The following RCOR1 variants were observed in gnomAD, a reference collection of about 807,000 sequenced individuals.
RCOR1 encodes REST corepressor 1.
RCOR1 carries 12 observed loss-of-function variants against 64.0 expected under a neutral mutation model. That is an observed-to-expected ratio of 0.19 (90% confidence interval 0.12 to 0.30). RCOR1 has a LOEUF of 0.30. RCOR1 is among the 10% of genes least tolerant of loss of function. The pLI is 1.00. For synonymous variants in RCOR1, 279 were observed against 227.2 expected (o/e 1.23, Z -2.05); for missense variants, 502 against 621.2 (o/e 0.81, Z 2.04).
chr14:102,712,719 T>G (rs11621125), intron 7 of RCOR1, among the ~76,000 whole-genome samples: 1 of 151,612 alleles, frequency 6.6e-6, no homozygotes, highest in Admixed American at 6.6e-5. Context: ...CGTTTTTTTC[T>G]GCATAATTTA....
Position 102,681,942 on chromosome 14 carries a change from G to A in RCOR1, c.409G>A (p.Val137Ile). 6.2e-7 allele frequency: 1 copy of A among 1,613,948 alleles called. No individual in the cohort carries two copies. Among genetic ancestry groups the A allele is most frequent in the African/African-American group, 1.3e-5 (1 of 75,042 alleles). The change falls in exon 3 of 12, where the codon GTC becomes ATC. Residue 137 changes from valine to isoleucine, a missense_variant. Val to Ile is a conservative substitution (Grantham distance 29). Transcript: ENST00000262241. Reference sequence around the variant, plus strand: ...AGAACGGGACAATCTTGGCATGTTGGTCTGGTCACCCAATCAAAATCTGTC... The same window carrying A: ...AGAACGGGACAATCTTGGCATGTTGATCTGGTCACCCAATCAAAATCTGTC... The part of the protein sequence containing the change: ...SQERDNLGML[V>I]WSPNQNLSEA...
intron 2 of RCOR1, among the ~76,000 whole-genome samples, chr14:102,596,633 TG>T (rs1157326233): frequency 9.9e-5 from 15 of 151,940 alleles, no homozygotes; most frequent in Non-Finnish European, 1.5e-5. Flanking sequence ...GGCACGATCT[TG>T]GCTCACTGCA....
Position 102,593,057 on chromosome 14 carries a change from C to A in RCOR1, c.171C>A (p.Ala57=). The A allele has an allele frequency of 7.2e-7, 1 of 1,395,760 alleles. No homozygotes were observed. The highest frequency in any genetic ancestry group is 1.5e-5 in the South Asian group (1 of 65,604). The allele number at this position is 1,395,760 out of a possible 1,614,324, so 86.5% of individuals were successfully genotyped here. ...SGAAASSASA[A]AASAAAAPNN... ...CCGCCGCCTCCTCAGCCTCGGCCGCCGCCGCCTCAGCCGCCGCCGCCCCCA... is the reference window on the plus strand; with the variant it reads ...CCGCCGCCTCCTCAGCCTCGGCCGCAGCCGCCTCAGCCGCCGCCGCCCCCA... The change falls in exon 1 of 12, where the codon GCC becomes GCA. Residue 57 remains alanine (A), a synonymous_variant. Transcript: ENST00000262241.
intron 8 of RCOR1, chr14:102,720,788 C>T (rs139803792): frequency 6.1e-4 from 233 of 378,950 alleles, no homozygotes; most frequent in African/African-American, 4.5e-3. Flanking sequence ...CCTCCGTCCC[C>T]TCCTCCTTGG....
chr14:102,617,478 A>G (rs2139896022), intron 2 of RCOR1, among the ~76,000 whole-genome samples: 1 of 152,120 alleles, frequency 6.6e-6, no homozygotes, highest in Admixed American at 6.5e-5. Context: ...GCATGATGGC[A>G]TGGGGTGGGA....
At chr14:102,719,409 C>T (rs567051509) in intron 8 of RCOR1, among the ~76,000 whole-genome samples, 2 of 152,184 alleles carry the variant, frequency 1.3e-5, no homozygotes, top group Non-Finnish European at 2.9e-5. Context: ...TCCCCCAACC[C>T]CACGACAGGC....
chr14:102,712,094 C>T (rs1895972693), intron 7 of RCOR1, among the ~76,000 whole-genome samples: 1 of 152,062 alleles, frequency 6.6e-6, no homozygotes, highest in African/African-American at 2.4e-5. Flanking sequence ...CTGCAGCCGC[C>T]AACTCCTGGG....
chr14:102,610,126 A>G (rs911842145), intron 2 of RCOR1, among the ~76,000 whole-genome samples: 1 of 151,304 alleles, frequency 6.6e-6, no homozygotes, highest in African/African-American at 2.4e-5. Flanking sequence ...GCGAAACTCC[A>G]TCTCAAAAAA....
At chr14:102,711,610 T>A (rs1232347115) in intron 7 of RCOR1, among the ~76,000 whole-genome samples, 1 of 152,196 alleles carries the variant, frequency 6.6e-6, no homozygotes, top group East Asian at 1.9e-4. Context: ...AACTTTTACA[T>A]AGGTTCATAG....
intron 2 of RCOR1, among the ~76,000 whole-genome samples, chr14:102,599,041 G>A (rs1189324879): frequency 2.0e-5 from 3 of 152,120 alleles, no homozygotes; most frequent in Non-Finnish European, 4.4e-5. Context: ...GGGTAAGAGG[G>A]GGGATGCTTA....
chr14:102,722,600 A>T (rs1896187643), intron 11 of RCOR1, among the ~76,000 whole-genome samples, 184 bp downstream of exon 11: 1 of 152,242 alleles, frequency 6.6e-6, no homozygotes, highest in South Asian at 2.1e-4. Context: ...CCTGTATATT[A>T]TTCACATGTT....
intron 2 of RCOR1, among the ~76,000 whole-genome samples, chr14:102,653,065 TG>T (rs1279229432): frequency 1.3e-5 from 2 of 152,064 alleles, no homozygotes; most frequent in African/African-American, 4.8e-5. Flanking sequence ...CCCGAGTAGC[TG>T]GAACTAGAGG....
At chr14:102,610,174 A>G (rs1395603961) in intron 2 of RCOR1, among the ~76,000 whole-genome samples, 1 of 152,100 alleles carries the variant, frequency 6.6e-6, no homozygotes, top group African/African-American at 2.4e-5. Flanking sequence ...CAAGCCTTAA[A>G]ACGTAGGAAT....
intron 3 of RCOR1, among the ~76,000 whole-genome samples, chr14:102,682,579 C>G (rs1895328753): frequency 6.6e-6 from 1 of 152,208 alleles, no homozygotes; most frequent in Non-Finnish European, 1.5e-5. Context: ...ATCTCCTTTA[C>G]TGTCTGAGTC....
At chr14:102,621,865 G>T (rs773321132) in intron 2 of RCOR1, among the ~76,000 whole-genome samples, 62 of 152,166 alleles carry the variant, frequency 4.1e-4, no homozygotes, top group Non-Finnish European at 6.6e-4. Flanking sequence ...TTGTTTGTAG[G>T]GATTTTGTTG....
At chr14:102,647,516 C>T (rs1252743870) in intron 2 of RCOR1, among the ~76,000 whole-genome samples, 4 of 151,754 alleles carry the variant, frequency 2.6e-5, no homozygotes, top group Non-Finnish European at 5.9e-5. Flanking sequence ...CGGGGTTTCC[C>T]CACCATGCTG....
intron 2 of RCOR1, among the ~76,000 whole-genome samples, chr14:102,640,671 T>G (rs1894349359): frequency 6.6e-6 from 1 of 152,240 alleles, no homozygotes; most frequent in African/African-American, 2.4e-5. Flanking sequence ...CTTATCTGAT[T>G]GTAATTTAAA....
At chr14:102,650,981 A>G (rs1894576523) in intron 2 of RCOR1, 1 of 846,874 alleles carries the variant, frequency 1.2e-6, no homozygotes, top group Non-Finnish European at 1.4e-6. Context: ...TTAGACTCAT[A>G]ATAGAATACA....
At chr14:102,717,420 G>A (rs1896088361) in intron 8 of RCOR1, among the ~76,000 whole-genome samples, 1 of 152,240 alleles carries the variant, frequency 6.6e-6, no homozygotes, top group African/African-American at 2.4e-5. Context: ...CACTCTGTGT[G>A]CTCAGAGGAG....
Sources: allele counts gnomAD v4.1 joint callset (sites outside exome capture counted in the v4.1 genomes callset), GRCh38; gene constraint gnomAD v4.1.1; transcripts MANE v1.5; gene names NCBI Gene and HGNC (gene_info 2026-07-23, HGNC 2026-07-21).